CDK13: variants seen among roughly 807,000 people sequenced by gnomAD.
CDK13 encodes the protein cyclin dependent kinase 13.
CDK13 carries 40 observed loss-of-function variants against 137.6 expected under a neutral mutation model. The observed-to-expected ratio is 0.29, with a 90% CI of 0.23 to 0.38. The LOEUF is 0.38. Ranked by LOEUF, CDK13 falls within the 10% of genes least tolerant of loss-of-function variation. CDK13 has a pLI of 1.00. For missense variants in CDK13, 1,704 were observed against 1,951.8 expected (o/e 0.87, Z 2.39); for synonymous variants, 869 against 760.1 (o/e 1.14, Z -2.36).
chr7:39,971,535 A>C (rs1783998684), intron 1 of CDK13, among the ~76,000 whole-genome samples: 1 of 151,980 alleles, frequency 6.6e-6, no homozygotes, highest in Non-Finnish European at 1.5e-5. Context: ...AAAACAAAAA[A>C]CAAAAAAAAC....
intron 9 of CDK13, among the ~76,000 whole-genome samples, chr7:40,064,880 C>G (rs1161552608): frequency 6.7e-6 from 1 of 149,778 alleles, no homozygotes; most frequent in South Asian, 2.1e-4. Context: ...CAGCCTTGAC[C>G]TCCTGGAGCC....
intron 13 of CDK13, among the ~76,000 whole-genome samples, chr7:40,093,509 G>A (rs1374186186): frequency 6.6e-6 from 1 of 152,126 alleles, no homozygotes; most frequent in African/African-American, 2.4e-5. Context: ...CTCCAAATAC[G>A]AAAGGATGCT....
chr7:39,997,583 A>G lies in CDK13; in HGVS notation c.1961A>G (p.Glu654Gly), dbSNP rs1387921893. 1 of 1,610,592 alleles carries G rather than the reference A, an allele frequency of 6.2e-7. No individual in the cohort carries two copies. The highest frequency in any genetic ancestry group is 1.7e-5 in the Admixed American group (1 of 59,310). Reference sequence around the variant, plus strand: ...CTTGCTGATTTACCGCTGCCCCCTGAGCTACCAGGAGGAGATGATCTTTCA... The same window carrying G: ...CTTGCTGATTTACCGCTGCCCCCTGGGCTACCAGGAGGAGATGATCTTTCA... ...CLLADLPLPP[E>G]LPGGDDLSKS... Residue 654 changes from glutamate to glycine, a missense_variant, in exon 3 of 14, where the codon GAG (glutamate) becomes GGG (glycine). Physicochemically the swap from Glu to Gly is moderately conservative, Grantham distance 98. Around this residue, in one of 5 missense-constraint regions of CDK13, gnomAD observed 1,051 missense variants for 931.0 expected, o/e 1.13. Transcript: ENST00000181839.
chr7:39,987,164 C>A (rs1784358363), intron 1 of CDK13: 1 of 153,190 alleles, frequency 6.5e-6, no homozygotes, highest in African/African-American at 2.4e-5. Flanking sequence ...TAAGTCTTGT[C>A]TTTTTCACTC....
intron 7 of CDK13, among the ~76,000 whole-genome samples, chr7:40,052,342 A>T (rs1429731076): frequency 6.6e-6 from 1 of 152,030 alleles, no homozygotes; most frequent in Non-Finnish European, 1.5e-5. Context: ...ACGCCCAGCT[A>T]ATTTTTGTGT....
chr7:40,064,118 C>G (rs1257637489), intron 9 of CDK13, among the ~76,000 whole-genome samples: 1 of 151,814 alleles, frequency 6.6e-6, no homozygotes, highest in East Asian at 2.0e-4. Flanking sequence ...AACCCTGTCT[C>G]TACTAAAAAT....
intron 11 of CDK13, among the ~76,000 whole-genome samples, chr7:40,087,230 A>G (rs972565420): frequency 1.3e-5 from 2 of 152,024 alleles, no homozygotes; most frequent in African/African-American, 4.8e-5. Context: ...TGCAACCACC[A>G]CCACCTGGGC....
At chr7:40,060,622 G>C (rs1786120904) in intron 7 of CDK13, among the ~76,000 whole-genome samples, 1 of 152,152 alleles carries the variant, frequency 6.6e-6, no homozygotes, top group African/African-American at 2.4e-5. Context: ...ACAAAATAGG[G>C]AGTTAAGACA....
At chr7:39,983,134 A>G (rs1784264651) in intron 1 of CDK13, among the ~76,000 whole-genome samples, 1 of 152,168 alleles carries the variant, frequency 6.6e-6, no homozygotes, top group South Asian at 2.1e-4. Flanking sequence ...GTTTTCTTCT[A>G]GGGTTTTTAT....
chr7:40,094,673 A>C lies in CDK13; in HGVS notation c.4232A>C (p.Tyr1411Ser). Reference protein sequence around the residue: ...PSSVAGYGDIYLNAGPMLFSG... With the variant: ...PSSVAGYGDISLNAGPMLFSG... ...TCAGTAGCTGGATATGGAGACATTTACCTCAATGCTGGTCCCATGTTGTTT... is the reference window on the plus strand; with the variant it reads ...TCAGTAGCTGGATATGGAGACATTTCCCTCAATGCTGGTCCCATGTTGTTT... Residue 1411 changes from tyrosine (Y) to serine (S), a missense_variant, in exon 14 of 14, where the codon TAC becomes TCC. Physicochemically the swap from Tyr to Ser is moderately radical, Grantham distance 144 (BLOSUM62 -2). This residue lies in a region of CDK13 where 475 missense variants were observed against 579.3 expected (regional missense o/e 0.82). Coordinates refer to ENST00000181839, the MANE Select transcript of CDK13 (RefSeq NM_003718.5). The C allele has an allele frequency of 6.2e-7, 1 of 1,614,142 alleles. No homozygotes were observed. The highest frequency in any genetic ancestry group is 8.5e-7 in the Non-Finnish European group (1 of 1,180,024).
rs1267943756 is a variant in CDK13, at chr7:40,094,367, A to G, written c.3926A>G (p.His1309Arg). 7 of 1,614,096 alleles carry G rather than the reference A, an allele frequency of 4.3e-6. No homozygotes were observed. Among genetic ancestry groups the G allele is most frequent in the African/African-American group, 1.3e-5 (1 of 75,028 alleles). Residue 1309 changes from histidine to arginine, a missense_variant, in exon 14 of 14, where the codon CAT (histidine) becomes CGT (arginine). His to Arg is a conservative substitution (Grantham distance 29). Around this residue, in one of 5 missense-constraint regions of CDK13, gnomAD observed 475 missense variants for 579.3 expected, o/e 0.82. Transcript: ENST00000181839. ...GCCCTGTTACAGCTGCTTGCTCAGC[A>G]TCAGCCCCAGGATGACCCCAAAAGA... ...KAALLQLLAQHQPQDDPKREG... is the reference protein window; with the variant it reads ...KAALLQLLAQRQPQDDPKREG...
At chr7:40,071,581 C>T (rs533857568) in intron 9 of CDK13, 1 of 152,148 alleles carries the variant, frequency 6.6e-6, no homozygotes, top group African/African-American at 2.4e-5. Context: ...TTCTGTCTTA[C>T]ACTTTGAATG....
chr7:39,997,468 A>G (rs748418526), intron 2 of CDK13, 26 bp from the exon 3 acceptor site: 6 of 1,580,098 alleles, frequency 3.8e-6, no homozygotes, highest in Non-Finnish European at 5.1e-6. Context: ...TTTTTGTTTT[A>G]TTTGTCTGAC....
At chr7:39,970,464 ATCT>A (rs10567892) in intron 1 of CDK13, among the ~76,000 whole-genome samples, 52,177 of 143,948 alleles carry the variant, frequency 0.36, 9,993 homozygotes, top group East Asian at 0.5. Flanking sequence ...TACTGTTGTC[ATCT>A]TTTTTTTTTT....
chr7:40,089,610 C>T (rs1389227034), intron 12 of CDK13, among the ~76,000 whole-genome samples: 3 of 152,066 alleles, frequency 2.0e-5, no homozygotes, highest in Non-Finnish European at 4.4e-5. Context: ...TCCACTCCCT[C>T]ATTTTGCCTA....
intron 5 of CDK13, among the ~76,000 whole-genome samples, chr7:40,003,703 C>T (rs966103644): frequency 6.6e-6 from 1 of 152,164 alleles, no homozygotes; most frequent in South Asian, 2.1e-4. Flanking sequence ...ATACCAGGGA[C>T]GTCCTGCTTT....
At chr7:40,001,434 C>G (rs551556753) in intron 4 of CDK13, among the ~76,000 whole-genome samples, 4 of 152,100 alleles carry the variant, frequency 2.6e-5, no homozygotes, top group Non-Finnish European at 5.9e-5. Context: ...CCAGGCTGAT[C>G]TCGAACTCCT....
In CDK13 at chr7:40,097,329, A is replaced by G. The variant is rs1787069557; in HGVS notation, c.*2349A>G. On this transcript the variant is annotated 3_prime_UTR_variant, in exon 14 of 14. Transcript: ENST00000181839. ...CTTAGAAGAAAAAATGTTGCCAATT[A>G]AGCCACAATACAATGCTAAGACGTC... is the stretch of plus-strand genomic sequence containing the variant. 1 of 152,100 alleles carries G rather than the reference A, an allele frequency of 6.6e-6. No individual in the cohort carries two copies. The highest frequency in any genetic ancestry group is 1.5e-5 in the Non-Finnish European group (1 of 67,974). The allele number at this position is 152,100 out of a possible 1,614,324, so 9.4% of individuals were successfully genotyped here.
chr7:39,957,691 A>G (rs568742976), intron 1 of CDK13, among the ~76,000 whole-genome samples: 1 of 152,306 alleles, frequency 6.6e-6, no homozygotes, highest in East Asian at 1.9e-4. Flanking sequence ...ATAAATTCAG[A>G]CCTAGTGTTT....
Sources: allele counts gnomAD v4.1 joint callset (sites outside exome capture counted in the v4.1 genomes callset), GRCh38; gene constraint gnomAD v4.1.1; regional missense constraint gnomAD v4.1.1; transcripts MANE v1.5; gene names NCBI Gene and HGNC (gene_info 2026-07-23, HGNC 2026-07-21).